CASD1: variants seen among roughly 807,000 people sequenced by gnomAD.
CASD1 encodes the protein CAS1 domain sialic acid O acetyltransferase 1.
A neutral mutation model predicts 100.0 loss-of-function variants in CASD1; 41 were observed. The ratio of observed to expected loss-of-function variants is 0.41; its 90% CI spans 0.32 to 0.53. The LOEUF is 0.53. Among genes scored for constraint, CASD1 ranks in the 20% least tolerant of loss-of-function variants. The pLI is 0.25. For missense variants in CASD1, 774 were observed against 948.7 expected, an observed-to-expected ratio of 0.82 and a Z score of 2.42; for synonymous variants, 321 against 315.6, an observed-to-expected ratio of 1.02 and a Z score of -0.18.
At chr7:94,588,266 T>C in the CASD1 span, 1 of 1,043,720 alleles carries the variant, frequency 9.6e-7, no homozygotes, top group Non-Finnish European at 1.2e-6. Flanking sequence ...CATTTCTCAT[T>C]TATCCCCCTG....
Position 94,518,238 on chromosome 7 carries a change from C to G in CASD1, c.266C>G (p.Ala89Gly). Residue 89 changes from alanine to glycine, a missense_variant, in exon 3 of 18, where the codon GCA becomes GGA. Ala to Gly is a moderately conservative substitution (Grantham distance 60). Coordinates refer to ENST00000297273, the MANE Select transcript of CASD1 (RefSeq NM_022900.5). ...AKNCLVDKHI[A>G]FIGDSRIRQL... Reference sequence around the variant, plus strand: ...AACTGCCTTGTAGATAAACATATTGCATTTATTGGAGATTCCAGAATTCGT... The same window carrying G: ...AACTGCCTTGTAGATAAACATATTGGATTTATTGGAGATTCCAGAATTCGT... The G allele has an allele frequency of 6.4e-7, 1 of 1,569,798 alleles. No homozygotes were observed. Among genetic ancestry groups the G allele is most frequent in the Non-Finnish European group, 8.6e-7 (1 of 1,163,032 alleles).
the CASD1 span, chr7:94,586,834 A>T: frequency 2.0e-6 from 2 of 985,352 alleles, no homozygotes; most frequent in Non-Finnish European, 2.4e-6. Flanking sequence ...AGAGGCACAA[A>T]CACACCAATC....
At chr7:94,593,444 T>A in the CASD1 span, among the ~76,000 whole-genome samples, 5 of 152,018 alleles carry the variant, frequency 3.3e-5, no homozygotes, top group African/African-American at 1.2e-4. Context: ...AAAAGAGTAG[T>A]GAAGAGGCAG....
At chr7:94,515,347 G>A (rs1039534907) in intron 1 of CASD1, among the ~76,000 whole-genome samples, 1 of 151,456 alleles carries the variant, frequency 6.6e-6, no homozygotes, top group Non-Finnish European at 1.5e-5. Context: ...GGAAAGCTCA[G>A]TATTCTCTAA....
At chr7:94,526,661 C>T (rs985882883) in intron 3 of CASD1, among the ~76,000 whole-genome samples, 1 of 152,100 alleles carries the variant, frequency 6.6e-6, no homozygotes, top group Non-Finnish European at 1.5e-5. Flanking sequence ...GGCATGGTGG[C>T]GTGCACCTGT....
chr7:94,570,224 C>G, the CASD1 span, among the ~76,000 whole-genome samples: 1 of 152,102 alleles, frequency 6.6e-6, no homozygotes, highest in East Asian at 1.9e-4. Flanking sequence ...TCCCCTATTT[C>G]CTCCACTACT....
chr7:94,587,237 A>G, the CASD1 span: 17 of 985,624 alleles, frequency 1.7e-5, no homozygotes, highest in Non-Finnish European at 2.0e-5. Context: ...TAACAAGAGT[A>G]CTTGCTAAAA....
the CASD1 span, chr7:94,587,906 C>A: frequency 1.4e-6 from 2 of 1,477,028 alleles, no homozygotes; most frequent in Admixed American, 2.8e-5. Flanking sequence ...AAGAGACTTA[C>A]TTAATAGTTT....
intron 1 of CASD1, among the ~76,000 whole-genome samples, chr7:94,514,112 T>C (rs914356632): frequency 6.6e-6 from 1 of 152,218 alleles, no homozygotes; most frequent in Non-Finnish European, 1.5e-5. Context: ...CTTAATTTTG[T>C]TGAAATCAAA....
chr7:94,532,486 A>G (rs1794898717), intron 5 of CASD1, among the ~76,000 whole-genome samples: 1 of 152,200 alleles, frequency 6.6e-6, no homozygotes. Flanking sequence ...GAGGATTCAC[A>G]TCCCAGGAGA....
the CASD1 span, among the ~76,000 whole-genome samples, chr7:94,606,210 C>A: frequency 8.5e-5 from 13 of 152,088 alleles, no homozygotes; most frequent in Non-Finnish European, 1.5e-4. Flanking sequence ...AAAACAAGAT[C>A]CAACTATACT....
the CASD1 span, chr7:94,625,738 T>A: frequency 1.3e-5 from 2 of 152,238 alleles, no homozygotes. Flanking sequence ...ACTATTGCTC[T>A]GAACATTCAC....
the CASD1 span, among the ~76,000 whole-genome samples, chr7:94,607,744 A>G: frequency 1.3e-5 from 2 of 152,220 alleles, no homozygotes; most frequent in Non-Finnish European, 2.9e-5. Flanking sequence ...GCCTCTCATC[A>G]CTGTTTTTTA....
At chr7:94,603,518 C>T in the CASD1 span, 1 of 1,473,798 alleles carries the variant, frequency 6.8e-7, no homozygotes, top group Non-Finnish European at 9.4e-7. Flanking sequence ...AACAATCCAC[C>T]TTAAAAGCAG....
At chr7:94,623,325 C>T in the CASD1 span, 1 of 1,566,476 alleles carries the variant, frequency 6.4e-7, no homozygotes, top group Non-Finnish European at 8.8e-7. Context: ...TCATACCTAC[C>T]TTCTGCAGAC....
intron 3 of CASD1, among the ~76,000 whole-genome samples, chr7:94,524,874 CTT>C (rs1475817689): frequency 6.6e-6 from 1 of 151,798 alleles, no homozygotes; most frequent in African/African-American, 2.4e-5. Flanking sequence ...AAATGTAACA[CTT>C]GATTTTAATT....
the CASD1 span, chr7:94,623,308 CAT>C: frequency 2.1e-6 from 3 of 1,455,078 alleles, no homozygotes; most frequent in African/African-American, 1.4e-5. Flanking sequence ...AAATGATCAA[CAT>C]ATTTTCATAC....
At chr7:94,525,013 C>T (rs776992538) in intron 3 of CASD1, among the ~76,000 whole-genome samples, 3 of 151,942 alleles carry the variant, frequency 2.0e-5, no homozygotes, top group Non-Finnish European at 2.9e-5. Context: ...TGTAAGAGAA[C>T]GTTCGTGTGG....
chr7:94,537,927 CCTT>C, intron 9 of CASD1, 33 bp downstream of exon 9: 1 of 1,194,038 alleles, frequency 8.4e-7, no homozygotes, highest in Non-Finnish European at 1.2e-6. Context: ...CTCATGTTAC[CCTT>C]CTTGTCTCAT....
Sources: allele counts gnomAD v4.1 joint callset (sites outside exome capture counted in the v4.1 genomes callset), GRCh38; gene constraint gnomAD v4.1.1; transcripts MANE v1.5; gene names NCBI Gene and HGNC (gene_info 2026-07-23, HGNC 2026-07-21).